Variants in STXBP5L observed in about 807,000 individuals in gnomAD.
The protein encoded by STXBP5L is syntaxin-binding protein 5-like.
Under a neutral mutation model 144.5 loss-of-function variants are expected in STXBP5L, and 65 were observed. The observed-to-expected ratio is 0.45, with a 90% CI of 0.37 to 0.55. The LOEUF (loss-of-function observed/expected upper bound fraction) is 0.55, where lower values mean the gene tolerates loss of function less well. Among genes scored for constraint, STXBP5L ranks in the 20% least tolerant of loss-of-function variants. The pLI, the probability that STXBP5L is intolerant of heterozygous loss-of-function variation, is 0.00. For missense variants in STXBP5L, 1,298 were observed against 1,405.5 expected, an observed-to-expected ratio of 0.92 and a Z score of 1.22; for synonymous variants, 505 against 469.6, an observed-to-expected ratio of 1.08 and a Z score of -0.97.
chr3:121,179,189 T>A (rs2047046392), intron 9 of STXBP5L, among the ~76,000 whole-genome samples: 2 of 151,044 alleles, frequency 1.3e-5, no homozygotes, highest in Admixed American at 6.6e-5. Context: ...GAGAACGAGA[T>A]AAGCTTCAAG....
chr3:121,398,485 G>C (rs1322023357), intron 22 of STXBP5L, among the ~76,000 whole-genome samples: 1 of 152,216 alleles, frequency 6.6e-6, no homozygotes. Flanking sequence ...CCAAAATCGG[G>C]TTCCCATCTT....
intron 15 of STXBP5L, among the ~76,000 whole-genome samples, chr3:121,253,843 C>T (rs1469169874): frequency 1.5e-5 from 2 of 132,986 alleles, no homozygotes; most frequent in Admixed American, 8.3e-5. Flanking sequence ...TTAGTAGAGA[C>T]GGGGTTTCAC....
At chr3:120,957,533 G>T (rs1417093212) in intron 3 of STXBP5L, among the ~76,000 whole-genome samples, 1 of 151,946 alleles carries the variant, frequency 6.6e-6, no homozygotes, top group African/African-American at 2.4e-5. Flanking sequence ...GTTGGTTTTG[G>T]TATTAGGATA....
chr3:120,998,698 A>G (rs957249893), intron 3 of STXBP5L, among the ~76,000 whole-genome samples: 1 of 152,128 alleles, frequency 6.6e-6, no homozygotes, highest in Non-Finnish European at 1.5e-5. Context: ...ATGTTCAAAA[A>G]TCAATAGCAT....
At chr3:121,176,677 A>G (rs2046950349) in intron 9 of STXBP5L, among the ~76,000 whole-genome samples, 4 of 151,914 alleles carry the variant, frequency 2.6e-5, no homozygotes, top group Admixed American at 2.6e-4. Context: ...AGTCAATAAA[A>G]AGACAAAATC....
chr3:121,077,721 C>T (rs1576872901), intron 5 of STXBP5L, among the ~76,000 whole-genome samples: 2 of 152,072 alleles, frequency 1.3e-5, no homozygotes, highest in African/African-American at 4.8e-5. Flanking sequence ...TTTACAATCC[C>T]TGAGCTAGAC....
At chr3:121,175,870 G>T (rs202041420) in intron 9 of STXBP5L, among the ~76,000 whole-genome samples, 2 of 147,286 alleles carry the variant, frequency 1.4e-5, no homozygotes, top group Non-Finnish European at 1.5e-5. Flanking sequence ...AAAAAAAAAA[G>T]ATATAGCTTA....
Position 121,314,456 on chromosome 3 carries a change from G to T in STXBP5L, c.2111-4019G>T, listed in dbSNP as rs764762855. On this transcript the variant is annotated intron_variant, in intron 19 of 26. Transcript: ENST00000471454. ...AAAAAAAAACGAAAACCAGTCAGGC[G>T]TGGCGGCGCGCGCCTGCAATCGCAG... Among the ~76,000 whole-genome samples the T allele has an allele frequency of 8.0e-3, 1,146 of 143,088 alleles. 10 individuals are homozygous for T. Among genetic ancestry groups the T allele is most frequent in the Non-Finnish European group, 0.011 (730 of 65,500 alleles). 93.9% of individuals were successfully genotyped at this position (143,088 alleles called of 152,430 possible).
chr3:120,960,343 C>T (rs1223608170), intron 3 of STXBP5L, among the ~76,000 whole-genome samples: 3 of 152,176 alleles, frequency 2.0e-5, no homozygotes, highest in Non-Finnish European at 4.4e-5. Context: ...TTGTGGAAGT[C>T]AGTGTGGCGA....
chr3:121,340,545 T>C (rs1023662273), intron 20 of STXBP5L, among the ~76,000 whole-genome samples: 1 of 144,174 alleles, frequency 6.9e-6, no homozygotes, highest in Non-Finnish European at 1.5e-5. Flanking sequence ...TATGTTCTCA[T>C]TGTTCAACTC....
intron 19 of STXBP5L, among the ~76,000 whole-genome samples, chr3:121,282,954 G>A (rs140187652): frequency 6.6e-5 from 10 of 152,008 alleles, no homozygotes; most frequent in East Asian, 3.9e-4. Context: ...ACACAGATCC[G>A]AAGATATCTA....
At chr3:121,207,382 G>A (rs941149480) in intron 10 of STXBP5L, among the ~76,000 whole-genome samples, 1 of 152,138 alleles carries the variant, frequency 6.6e-6, no homozygotes, top group African/African-American at 2.4e-5. Flanking sequence ...AAAAACCCTA[G>A]AAGAAAACCT....
chr3:121,375,973 G>C (rs1287739034), intron 20 of STXBP5L, among the ~76,000 whole-genome samples: 3 of 152,104 alleles, frequency 2.0e-5, no homozygotes, highest in Non-Finnish European at 2.9e-5. Flanking sequence ...ATACTTTAAT[G>C]CATTGCCAAG....
chr3:121,385,356 C>G (rs996609311), intron 22 of STXBP5L, among the ~76,000 whole-genome samples: 1 of 152,026 alleles, frequency 6.6e-6, no homozygotes, highest in Non-Finnish European at 1.5e-5. Flanking sequence ...GAGGGAGGTA[C>G]CACATAATTT....
At chr3:121,333,052 A>G (rs924934392) in intron 20 of STXBP5L, among the ~76,000 whole-genome samples, 1 of 152,180 alleles carries the variant, frequency 6.6e-6, no homozygotes, top group Admixed American at 6.6e-5. Context: ...TGCCACTACC[A>G]CACCAGCCCT....
chr3:121,317,106 C>A lies in STXBP5L; in HGVS notation c.2111-1369C>A, dbSNP rs139344648. Among the ~76,000 whole-genome samples the A allele has an allele frequency of 1.6e-3, 242 of 152,102 alleles. 1 individual carries two copies. The highest frequency in any genetic ancestry group is 5.6e-3 in the African/African-American group (234 of 41,494). ...GTTTAGTTTGATGAATGCCTATTTCCAGATTAATGGTAATATTTATATCAG... is the reference window on the plus strand; with the variant it reads ...GTTTAGTTTGATGAATGCCTATTTCAAGATTAATGGTAATATTTATATCAG... On this transcript the variant is annotated intron_variant, in intron 19 of 26. Coordinates refer to ENST00000471454, the MANE Select transcript of STXBP5L (RefSeq NM_001308330.2).
At chr3:120,966,120 C>T (rs1044945444) in intron 3 of STXBP5L, among the ~76,000 whole-genome samples, 1 of 152,154 alleles carries the variant, frequency 6.6e-6, no homozygotes, top group Admixed American at 6.5e-5. Flanking sequence ...CCATGGTTTT[C>T]AGCTCCATCA....
At chr3:121,270,012 G>A (rs1016736467) in intron 18 of STXBP5L, among the ~76,000 whole-genome samples, 15 of 152,098 alleles carry the variant, frequency 9.9e-5, no homozygotes, top group Non-Finnish European at 1.5e-5. Context: ...CATATCTCAC[G>A]TTTCAGTTTA....
chr3:121,129,626 A>G lies in STXBP5L; in HGVS notation c.669+7922A>G, dbSNP rs1030571307. Among the ~76,000 whole-genome samples the G allele has an allele frequency of 2.6e-5, 4 of 152,176 alleles. No individual in the cohort carries two copies. The East Asian group carries it at 7.7e-4, about 29-fold the overall frequency. On this transcript the variant is annotated intron_variant, in intron 7 of 26. Transcript: ENST00000471454. ...ACCCCATATTCATCAACAGAGGGGA[A>G]TGAAAGAAAGGACTGCAGTGTAAAT...
Sources: allele counts gnomAD v4.1 joint callset (sites outside exome capture counted in the v4.1 genomes callset), GRCh38; gene constraint gnomAD v4.1.1; transcripts MANE v1.5; gene names NCBI Gene and HGNC (gene_info 2026-07-23, HGNC 2026-07-21).